The following PDHX variants were observed in gnomAD, a reference collection of about 807,000 sequenced individuals.
PDHX encodes pyruvate dehydrogenase protein X component, mitochondrial.
In PDHX, 33 loss-of-function variants were observed where a neutral mutation model predicts 55.3. That is an observed-to-expected ratio of 0.60 (90% CI 0.45 to 0.80). The LOEUF (loss-of-function observed/expected upper bound fraction) is 0.80. Among genes scored for constraint, PDHX ranks in the 30% least tolerant of loss-of-function variants. PDHX has a pLI of 0.00. For synonymous variants in PDHX, 226 were observed against 219.4 expected, an observed-to-expected ratio of 1.03 and a Z score of -0.27; for missense variants, 622 against 619.9, an observed-to-expected ratio of 1.00 and a Z score of -0.04.
rs573338851 is a variant in PDHX at position 34,950,655 on chromosome 11, T to C, written c.342+3049T>C. On this transcript the variant is annotated intron_variant, in intron 3 of 10. Coordinates refer to ENST00000227868, the MANE Select transcript of PDHX (RefSeq NM_003477.3). Reference sequence around the variant, plus strand: ...GTTTTTTGTCCTTGTGATAGTTTACTGAGAATGATGATTTCCAGTTTCATC... The same window carrying C: ...GTTTTTTGTCCTTGTGATAGTTTACCGAGAATGATGATTTCCAGTTTCATC... 3.7e-3 allele frequency among the ~76,000 whole-genome samples: 561 copies of C among 151,746 alleles called. 2 individuals are homozygous for C. The highest frequency in any genetic ancestry group is 9.1e-3 in the Admixed American group (139 of 15,236).
intron 1 of PDHX, among the ~76,000 whole-genome samples, chr11:34,925,255 G>A (rs574868344): frequency 6.6e-6 from 1 of 152,264 alleles, no homozygotes; most frequent in African/African-American, 2.4e-5. Flanking sequence ...TTTGCCCTCT[G>A]CAGAGAAAAC....
At chr11:34,979,933 A>G (rs573999728) in intron 8 of PDHX, among the ~76,000 whole-genome samples, 26 of 150,562 alleles carry the variant, frequency 1.7e-4, no homozygotes, top group Admixed American at 7.9e-4. Flanking sequence ...AAATTTTTTT[A>G]TATTTTCTAG....
At chr11:34,931,811 A>ATT (rs1335867756) in intron 2 of PDHX, among the ~76,000 whole-genome samples, 21 of 110,242 alleles carry the variant, frequency 1.9e-4, no homozygotes, top group African/African-American at 7.0e-4. Context: ...CTTTATCATG[A>ATT]TTGTGTGTGT....
At chr11:34,984,859 C>T in intron 9 of PDHX, 131 bp downstream of exon 9, 3 of 854,422 alleles carry the variant, frequency 3.5e-6, no homozygotes, top group Non-Finnish European at 5.9e-6. Context: ...GTTATTTCAT[C>T]AAGTGATTGT....
Position 34,967,000 on chromosome 11 carries a change from C to T in PDHX, c.816+186C>T, listed in dbSNP as rs571479493. On this transcript the variant is annotated intron_variant, in intron 6 of 10. Transcript: ENST00000227868. ...CTGAGTAGCTGGGATTATAGGCACG[C>T]ACCACCACACCCACCTAATTTTTGT... is the stretch of plus-strand genomic sequence containing the variant. 8.5e-4 allele frequency among the ~76,000 whole-genome samples: 130 copies of T among 152,094 alleles called. 1 individual carries two copies. Among genetic ancestry groups the T allele is most frequent in the African/African-American group, 3.0e-3 (123 of 41,494 alleles).
intron 8 of PDHX, among the ~76,000 whole-genome samples, chr11:34,981,925 C>A (rs192683367): frequency 6.6e-6 from 1 of 152,206 alleles, no homozygotes; most frequent in Admixed American, 6.5e-5. Flanking sequence ...GAGTAGATTG[C>A]AAAAATGTTT....
At chr11:34,993,354 T>G (rs1855794676) in intron 10 of PDHX, among the ~76,000 whole-genome samples, 1 of 152,160 alleles carries the variant, frequency 6.6e-6, no homozygotes, top group Non-Finnish European at 1.5e-5. Flanking sequence ...CTGTTCATTT[T>G]CTGTTAGGAA....
At chr11:34,968,126 G>T (rs1855174100) in intron 6 of PDHX, among the ~76,000 whole-genome samples, 1 of 151,952 alleles carries the variant, frequency 6.6e-6, no homozygotes, top group Non-Finnish European at 1.5e-5. Context: ...TTTAAAATCA[G>T]CTGGATGTGG....
intron 2 of PDHX, among the ~76,000 whole-genome samples, chr11:34,935,307 G>A (rs1854282704): frequency 6.6e-6 from 1 of 152,090 alleles, no homozygotes; most frequent in African/African-American, 2.4e-5. Flanking sequence ...CATCTATAAA[G>A]CTGTATTATG....
chr11:34,991,318 A>G (rs951008213), intron 9 of PDHX, among the ~76,000 whole-genome samples: 1 of 152,192 alleles, frequency 6.6e-6, no homozygotes, highest in Non-Finnish European at 1.5e-5. Flanking sequence ...ACTTCTGAAA[A>G]TTTACCTGAA....
intron 3 of PDHX, among the ~76,000 whole-genome samples, chr11:34,954,848 A>C (rs1409398489): frequency 1.3e-5 from 2 of 152,212 alleles, no homozygotes; most frequent in Non-Finnish European, 2.9e-5. Context: ...TGTTATTTGC[A>C]TCTTACAGCT....
chr11:34,953,727 T>C (rs1489844653), intron 3 of PDHX, among the ~76,000 whole-genome samples: 1 of 152,248 alleles, frequency 6.6e-6, no homozygotes. Flanking sequence ...GATGTTAGAC[T>C]ACATTTAAAT....
intron 9 of PDHX, among the ~76,000 whole-genome samples, chr11:34,990,904 A>G (rs1187399851): frequency 2.0e-5 from 3 of 152,198 alleles, no homozygotes; most frequent in Admixed American, 6.5e-5. Flanking sequence ...AATAGTGCCT[A>G]TGTTGCCTAT....
At chr11:34,957,260 C>A in intron 3 of PDHX, 124 bp from the exon 4 acceptor site, 2 of 744,434 alleles carry the variant, frequency 2.7e-6, no homozygotes, top group Non-Finnish European at 4.7e-6. Flanking sequence ...GGCAAACTGT[C>A]TTGGAAGCAG....
Position 34,977,963 on chromosome 11 carries a change from T to C in PDHX, c.965-161T>C, listed in dbSNP as rs1438810653. ...ATCCAGGACCTCATATAATGCAAGTTTTTCTAATCATGGGAACCTTATTGA... is the reference window on the plus strand; with the variant it reads ...ATCCAGGACCTCATATAATGCAAGTCTTTCTAATCATGGGAACCTTATTGA... On this transcript the variant is annotated intron_variant, in intron 7 of 10. Coordinates refer to ENST00000227868, the MANE Select transcript of PDHX (RefSeq NM_003477.3). The C allele has an allele frequency of 4.9e-6, 3 of 613,406 alleles. No individual in the cohort carries two copies. The African/African-American group carries it at 5.6e-5, about 11-fold the overall frequency. The allele number at this position is 613,406 out of a possible 1,614,324, so 38.0% of individuals were successfully genotyped here.
intron 2 of PDHX, among the ~76,000 whole-genome samples, chr11:34,937,465 G>A (rs1235478664): frequency 6.7e-6 from 1 of 149,944 alleles, no homozygotes; most frequent in South Asian, 2.1e-4. Flanking sequence ...TTTTGGTGGC[G>A]GGGTGGGTGG....
chr11:34,916,180 T>A (rs1320854078), upstream of PDHX: 2 of 1,587,508 alleles, frequency 1.3e-6, no homozygotes, highest in Admixed American at 1.7e-5. Context: ...GGGTCCCGCC[T>A]GGGCCTCTCC....
At chr11:34,950,413 T>C (rs1358992146) in intron 3 of PDHX, among the ~76,000 whole-genome samples, 7 of 151,056 alleles carry the variant, frequency 4.6e-5, no homozygotes, top group Non-Finnish European at 1.0e-4. Flanking sequence ...TTATGGTACA[T>C]GTGCACAATG....
intron 6 of PDHX, among the ~76,000 whole-genome samples, chr11:34,967,580 A>G (rs1358161957): frequency 6.6e-6 from 1 of 152,206 alleles, no homozygotes; most frequent in Admixed American, 6.5e-5. Flanking sequence ...TGCATGCAGT[A>G]TAACAGCCCC....
Sources: gnomAD v4.1 joint callset for allele counts (sites outside exome capture counted in the v4.1 genomes callset) on GRCh38, gnomAD v4.1.1 for gene constraint, MANE v1.5 for transcripts, NCBI Gene and HGNC (gene_info 2026-07-23, HGNC 2026-07-21) for gene names.